CAMTA1: variants seen among roughly 807,000 people sequenced by gnomAD.
The protein encoded by CAMTA1 is calmodulin binding transcription activator 1.
Under a neutral mutation model 170.9 loss-of-function variants are expected in CAMTA1, and 27 were observed. The ratio of observed to expected loss-of-function variants is 0.16; its 90% CI spans 0.12 to 0.22. CAMTA1 has a LOEUF of 0.22. Ranked by LOEUF, CAMTA1 falls within the 10% of genes least tolerant of loss-of-function variation. The pLI, the probability that CAMTA1 is intolerant of heterozygous loss-of-function variation, is 1.00. For synonymous variants in CAMTA1, 833 were observed against 891.5 expected, an observed-to-expected ratio of 0.93 and a Z score of 1.17; for missense variants, 1,619 against 2,217.2, an observed-to-expected ratio of 0.73 and a Z score of 5.42.
chr1:6,911,502 G>A (rs1571633988), intron 3 of CAMTA1, among the ~76,000 whole-genome samples: 1 of 152,298 alleles, frequency 6.6e-6, no homozygotes, highest in Middle Eastern at 3.4e-3. Context: ...AGCCATCTCT[G>A]TAAGTGATCT....
chr1:6,891,249 T>C (rs1674439305), intron 3 of CAMTA1, among the ~76,000 whole-genome samples: 1 of 152,260 alleles, frequency 6.6e-6, no homozygotes, highest in Non-Finnish European at 1.5e-5. Context: ...ACCTGGTTTC[T>C]TGTGCAATCC....
intron 3 of CAMTA1, among the ~76,000 whole-genome samples, chr1:7,066,598 G>T (rs1430165880): frequency 2.0e-5 from 3 of 152,204 alleles, no homozygotes; most frequent in African/African-American, 7.2e-5. Context: ...CTTGCATCAG[G>T]CTGCAAAGTG....
At chr1:7,488,506 CAT>C (rs916063640) in intron 6 of CAMTA1, among the ~76,000 whole-genome samples, 28 of 152,232 alleles carry the variant, frequency 1.8e-4, no homozygotes, top group African/African-American at 6.7e-4. Flanking sequence ...CACACACGCA[CAT>C]ACACACACAT....
intron 4 of CAMTA1, among the ~76,000 whole-genome samples, chr1:7,179,563 C>A (rs558463133): frequency 6.6e-6 from 1 of 152,046 alleles, no homozygotes; most frequent in Non-Finnish European, 1.5e-5. Context: ...TACTTTCTAA[C>A]CACGGTGCAC....
chr1:7,517,981 G>A (rs961196605), intron 6 of CAMTA1, among the ~76,000 whole-genome samples: 1 of 151,960 alleles, frequency 6.6e-6, no homozygotes, highest in African/African-American at 2.4e-5. Context: ...TGAACCATCA[G>A]AAACTCTTGA....
intron 3 of CAMTA1, among the ~76,000 whole-genome samples, chr1:7,023,089 C>T (rs1387912251): frequency 6.6e-6 from 1 of 152,252 alleles, no homozygotes; most frequent in East Asian, 1.9e-4. Context: ...AAAAATTCTT[C>T]CCATTGGCTC....
chr1:7,606,890 C>G (rs1398078132), intron 6 of CAMTA1, among the ~76,000 whole-genome samples: 2 of 152,192 alleles, frequency 1.3e-5, no homozygotes, highest in Non-Finnish European at 2.9e-5. Flanking sequence ...TCCTTAGATG[C>G]TGTCTACATT....
chr1:6,949,233 G>A (rs1249587675), intron 3 of CAMTA1, among the ~76,000 whole-genome samples: 1 of 152,234 alleles, frequency 6.6e-6, no homozygotes, highest in Non-Finnish European at 1.5e-5. Context: ...GGAGGGTGGT[G>A]CCTGGGAGTT....
intron 6 of CAMTA1, among the ~76,000 whole-genome samples, chr1:7,506,268 T>G (rs1002325113): frequency 6.6e-6 from 1 of 152,090 alleles, no homozygotes; most frequent in African/African-American, 2.4e-5. Flanking sequence ...GAGTCCCAGG[T>G]GCCCCAGGGC....
rs1312958116 is a variant in CAMTA1 at position 7,609,984 on chromosome 1, G to A, written c.511-30416G>A. ...TCTCTTTACCTGAAATACAGCACCT[G>A]CCGGGTCTGTCCACACTGTGTGTGC... On this transcript the variant is annotated intron_variant, in intron 6 of 22. Transcript: ENST00000303635. The surrounding 1 kb of genome is among the most constrained non-coding windows in gnomAD (Gnocchi z 4.4). 6.6e-6 allele frequency among the ~76,000 whole-genome samples: 1 copy of A among 152,196 alleles called. No homozygotes were observed. Among genetic ancestry groups the A allele is most frequent in the Non-Finnish European group, 1.5e-5 (1 of 68,042 alleles).
At chr1:7,522,115 C>T (rs1477092494) in intron 6 of CAMTA1, among the ~76,000 whole-genome samples, 1 of 152,158 alleles carries the variant, frequency 6.6e-6, no homozygotes, top group Admixed American at 6.5e-5. Flanking sequence ...TCCCCACTAA[C>T]GGGGTATGAC....
rs1404883127 is a variant in CAMTA1 at position 7,251,944 on chromosome 1, G to C, written c.438+2318G>C. On this transcript the variant is annotated intron_variant, in intron 5 of 22. Coordinates refer to ENST00000303635, the MANE Select transcript of CAMTA1 (RefSeq NM_015215.4). This position sits in a 1 kb window ranked among gnomAD's most constrained non-coding sequence, Gnocchi z 5.1. ...TTTACCTTTTCCACTCTGCATTGTG[G>C]TCTGAGCTGTGTCTATGTTGATATT... Among the ~76,000 whole-genome samples the C allele has an allele frequency of 1.3e-5, 2 of 152,048 alleles. No individual in the cohort carries two copies. The highest frequency in any genetic ancestry group is 2.9e-5 in the Non-Finnish European group (2 of 68,028).
chr1:7,633,609 C>G lies in CAMTA1; in HGVS notation c.511-6791C>G, dbSNP rs2095687245. Among the ~76,000 whole-genome samples, 1 of 152,234 alleles carries G rather than the reference C, an allele frequency of 6.6e-6. No individual in the cohort carries two copies. The highest frequency in any genetic ancestry group is 6.5e-5 in the Admixed American group (1 of 15,288). ...ACAGCCACCCCTGCACCAGCTCCCC[C>G]AGCCAAGGCCAGGTGCCCCCTAGCA... is the stretch of plus-strand genomic sequence containing the variant. On this transcript the variant is annotated intron_variant, in intron 6 of 22. Coordinates refer to ENST00000303635, the MANE Select transcript of CAMTA1 (RefSeq NM_015215.4). The surrounding 1 kb of genome is among the most constrained non-coding windows in gnomAD (Gnocchi z 4.1).
At position 7,092,490 on chromosome 1, in the gene CAMTA1, G is replaced by A. The variant is rs1011065824; in HGVS notation, c.302+1119G>A. On this transcript the variant is annotated intron_variant, in intron 4 of 22. Coordinates refer to ENST00000303635, the MANE Select transcript of CAMTA1 (RefSeq NM_015215.4). The surrounding 1 kb of genome is among the most constrained non-coding windows in gnomAD (Gnocchi z 5.0). ...CCTTTGAAGGAGGCTAGAGGGCATTGTGGAAGGAAGGTTAGTTATTGAGGC... is the reference window on the plus strand; with the variant it reads ...CCTTTGAAGGAGGCTAGAGGGCATTATGGAAGGAAGGTTAGTTATTGAGGC... 1.3e-5 allele frequency among the ~76,000 whole-genome samples: 2 copies of A among 152,332 alleles called. No homozygotes were observed. The highest frequency in any genetic ancestry group is 4.8e-5 in the African/African-American group (2 of 41,576).
chr1:7,466,873 C>A (rs1345835447), intron 5 of CAMTA1, among the ~76,000 whole-genome samples: 1 of 152,200 alleles, frequency 6.6e-6, no homozygotes, highest in African/African-American at 2.4e-5. Flanking sequence ...AAATTGATGA[C>A]CTGCTCAAGG....
chr1:6,848,672 G>A (rs1659235795), intron 3 of CAMTA1, among the ~76,000 whole-genome samples: 1 of 152,178 alleles, frequency 6.6e-6, no homozygotes, highest in Non-Finnish European at 1.5e-5. Flanking sequence ...ACGTGATCCT[G>A]TCACACTTTT....
chr1:7,700,280 G>A (rs1037660603), intron 11 of CAMTA1, among the ~76,000 whole-genome samples: 2 of 152,132 alleles, frequency 1.3e-5, no homozygotes, highest in African/African-American at 4.8e-5. Context: ...TGTTGAAGAC[G>A]ATTCTTTCCC....
chr1:7,201,988 T>C (rs115819595), intron 4 of CAMTA1, among the ~76,000 whole-genome samples: 2,054 of 152,348 alleles, frequency 0.013, 41 homozygotes, highest in African/African-American at 0.048. Flanking sequence ...TTTATACCTA[T>C]GTTTTCTTTT....
At chr1:6,801,750 G>T (rs1402122977) in intron 1 of CAMTA1, among the ~76,000 whole-genome samples, 1 of 151,580 alleles carries the variant, frequency 6.6e-6, no homozygotes, top group Middle Eastern at 3.2e-3. Context: ...TAAATATATG[G>T]CCAATATTTT....
Sources: allele counts gnomAD v4.1 joint callset (sites outside exome capture counted in the v4.1 genomes callset), GRCh38; gene constraint gnomAD v4.1.1; non-coding constraint Gnocchi (gnomAD v3.1); transcripts MANE v1.5; gene names NCBI Gene and HGNC (gene_info 2026-07-23, HGNC 2026-07-21).